Variants in TRA2A observed in about 807,000 individuals in gnomAD.
The protein encoded by TRA2A is transformer-2 protein homolog alpha.
TRA2A carries 31 observed loss-of-function variants against 45.7 expected under a neutral mutation model. The observed-to-expected ratio is 0.68, with a 90% CI of 0.51 to 0.92. The LOEUF (loss-of-function observed/expected upper bound fraction) is 0.92, where lower values mean the gene tolerates loss of function less well. TRA2A is among the 40% of genes least tolerant of loss of function. TRA2A has a pLI of 0.00. For synonymous variants in TRA2A, 132 were observed against 126.2 expected, an observed-to-expected ratio of 1.05 and a Z score of -0.31; for missense variants, 304 against 367.5, an observed-to-expected ratio of 0.83 and a Z score of 1.41.
intron 2 of TRA2A, among the ~76,000 whole-genome samples, chr7:23,517,837 G>A (rs1562794755): frequency 2.6e-5 from 4 of 151,484 alleles, no homozygotes; most frequent in East Asian, 2.0e-4. Context: ...ACTTGAACCC[G>A]GGAGGTGGAG....
intron 1 of TRA2A, among the ~76,000 whole-genome samples, chr7:23,524,536 C>G (rs2127999598): frequency 6.6e-6 from 1 of 152,180 alleles, no homozygotes; most frequent in South Asian, 2.1e-4. Context: ...AAAGGTGTCA[C>G]AAATACCTAA....
intron 2 of TRA2A, 149 bp from the exon 3 acceptor site, chr7:23,516,677 A>C (rs986494837): frequency 6.2e-6 from 4 of 641,548 alleles, no homozygotes; most frequent in East Asian, 2.7e-5. Context: ...TGGTTCACTT[A>C]AGTCACTACA....
intron 1 of TRA2A, among the ~76,000 whole-genome samples, chr7:23,523,798 T>TA (rs34243820): frequency 2.2e-4 from 34 of 152,292 alleles, no homozygotes; most frequent in African/African-American, 3.9e-4. Flanking sequence ...CAGTATCTTA[T>TA]AAAAAAAGGC....
At chr7:23,530,629 G>A (rs1790536401) in intron 1 of TRA2A, among the ~76,000 whole-genome samples, 2 of 152,150 alleles carry the variant, frequency 1.3e-5, no homozygotes, top group African/African-American at 4.8e-5. Flanking sequence ...CCTATGTAGG[G>A]TAAACTTTGG....
At chr7:23,522,025 C>T (rs1452208365) in intron 1 of TRA2A, 185 bp from the exon 2 acceptor site, 1 of 1,400,418 alleles carries the variant, frequency 7.1e-7, no homozygotes, top group African/African-American at 1.5e-5. Context: ...CTCAATAATT[C>T]CCTACTTGAA....
chr7:23,524,691 C>T (rs1193939723), intron 1 of TRA2A, among the ~76,000 whole-genome samples: 5 of 71,134 alleles, frequency 7.0e-5, no homozygotes, highest in African/African-American at 4.3e-4. Flanking sequence ...ATGATTTTAA[C>T]TATTTTTTTT....
At chr7:23,518,592 C>T (rs887264695) in intron 2 of TRA2A, among the ~76,000 whole-genome samples, 1 of 152,020 alleles carries the variant, frequency 6.6e-6, no homozygotes, top group Non-Finnish European at 1.5e-5. Flanking sequence ...CCACCCACCT[C>T]AGCCTCCCAA....
intron 5 of TRA2A, 150 bp downstream of exon 5, chr7:23,507,270 T>C: frequency 1.6e-6 from 1 of 619,634 alleles, no homozygotes. Context: ...TGGCTGATTT[T>C]TTATTTTTTT....
At chr7:23,531,152 C>G in intron 1 of TRA2A, 6 of 937,872 alleles carry the variant, frequency 6.4e-6, no homozygotes, top group Non-Finnish European at 7.6e-6. Flanking sequence ...CTTAAGAACG[C>G]TTAAGGGTCG....
intron 2 of TRA2A, among the ~76,000 whole-genome samples, chr7:23,516,827 T>C (rs1053783276): frequency 2.6e-5 from 4 of 151,434 alleles, no homozygotes; most frequent in African/African-American, 9.7e-5. Context: ...AATAAAATCG[T>C]GGCCGGGTGC....
chr7:23,514,675 GC>G (rs1163805244), intron 3 of TRA2A, among the ~76,000 whole-genome samples: 3 of 151,662 alleles, frequency 2.0e-5, no homozygotes, highest in Non-Finnish European at 4.4e-5. Context: ...GCTCACTGCA[GC>G]CTTGGCCTCC....
At chr7:23,526,275 C>T (rs1312885939) in intron 1 of TRA2A, among the ~76,000 whole-genome samples, 1 of 152,150 alleles carries the variant, frequency 6.6e-6, no homozygotes, top group Non-Finnish European at 1.5e-5. Flanking sequence ...CTATTAAATG[C>T]TATACTGTAA....
chr7:23,517,639 C>T (rs1181029761), intron 2 of TRA2A, among the ~76,000 whole-genome samples: 3 of 150,096 alleles, frequency 2.0e-5, no homozygotes, highest in African/African-American at 4.9e-5. Flanking sequence ...TCAGGCTGGG[C>T]GCAGTGGCTC....
intron 2 of TRA2A, 104 bp downstream of exon 2, chr7:23,521,603 A>C: frequency 7.5e-7 from 1 of 1,337,430 alleles, no homozygotes; most frequent in Non-Finnish European, 1.0e-6. Context: ...AAAAACTATA[A>C]TTTTGAGTCT....
chr7:23,513,505 C>G (rs1414206520), intron 3 of TRA2A, among the ~76,000 whole-genome samples: 2 of 152,080 alleles, frequency 1.3e-5, no homozygotes, highest in African/African-American at 4.8e-5. Context: ...GTAATCCCAG[C>G]TACTCCAGAG....
intron 4 of TRA2A, among the ~76,000 whole-genome samples, chr7:23,508,744 T>C (rs1789455518): frequency 6.6e-6 from 1 of 152,182 alleles, no homozygotes; most frequent in South Asian, 2.1e-4. Context: ...TCCTCCTGCC[T>C]TGGCCTCCCA....
At chr7:23,531,564 G>A in intron 1 of TRA2A, 2 of 598,872 alleles carry the variant, frequency 3.3e-6, no homozygotes, top group Admixed American at 3.1e-5. Context: ...GGACCCAGAA[G>A]TCCAGGTATC....
At chr7:23,506,890 C>T (rs1264447753) in intron 5 of TRA2A, among the ~76,000 whole-genome samples, 1 of 152,200 alleles carries the variant, frequency 6.6e-6, no homozygotes, top group Non-Finnish European at 1.5e-5. Context: ...ATTCTCCTGC[C>T]TCAGCCTCCT....
At chr7:23,523,722 A>C (rs1790229540) in intron 1 of TRA2A, among the ~76,000 whole-genome samples, 2 of 152,226 alleles carry the variant, frequency 1.3e-5, no homozygotes, top group South Asian at 4.1e-4. Flanking sequence ...ACCACTCAAC[A>C]GATGTCTGGA....
Sources: gnomAD v4.1 joint callset for allele counts (sites outside exome capture counted in the v4.1 genomes callset) on GRCh38, gnomAD v4.1.1 for gene constraint, MANE v1.5 for transcripts, NCBI Gene and HGNC (gene_info 2026-07-23, HGNC 2026-07-21) for gene names.